USP32: variants seen among roughly 807,000 people sequenced by gnomAD.
USP32 encodes ubiquitin carboxyl-terminal hydrolase 32.
USP32 carries 59 observed loss-of-function variants against 204.8 expected under a neutral mutation model. The ratio of observed to expected loss-of-function variants is 0.29; its 90% CI spans 0.23 to 0.36. The LOEUF (loss-of-function observed/expected upper bound fraction) is 0.36, where lower values mean the gene tolerates loss of function less well. USP32 is among the 10% of genes least tolerant of loss of function. USP32 has a pLI of 1.00. For missense variants in USP32, 1,160 were observed against 1,946.4 expected (o/e 0.60, Z 7.60); for synonymous variants, 517 against 678.4 (o/e 0.76, Z 3.70).
At chr17:60,421,387 C>T in intron 1 of USP32, 1 of 985,570 alleles carries the variant, frequency 1.0e-6, no homozygotes, top group Non-Finnish European at 1.2e-6. Flanking sequence ...AGCCGCTATG[C>T]CCCTCTCCTG....
At chr17:60,308,215 G>C (rs1255892722) in intron 2 of USP32, among the ~76,000 whole-genome samples, 1 of 152,160 alleles carries the variant, frequency 6.6e-6, no homozygotes, top group Non-Finnish European at 1.5e-5. Context: ...AATGCAGAGG[G>C]TCTAATTGAG....
At chr17:60,413,665 A>G (rs1381322988) in intron 1 of USP32, among the ~76,000 whole-genome samples, 3 of 151,832 alleles carry the variant, frequency 2.0e-5, no homozygotes, top group Non-Finnish European at 2.9e-5. Flanking sequence ...GGATATTGAG[A>G]TCATCCTGGC....
chr17:60,415,254 T>C (rs1405614606), intron 1 of USP32, among the ~76,000 whole-genome samples: 3 of 152,178 alleles, frequency 2.0e-5, no homozygotes, highest in Admixed American at 6.5e-5. Flanking sequence ...GACTTCACTG[T>C]ACATGGTCAA....
intron 1 of USP32, among the ~76,000 whole-genome samples, chr17:60,385,850 A>G (rs2089721791): frequency 6.6e-6 from 1 of 151,780 alleles, no homozygotes; most frequent in Admixed American, 6.6e-5. Flanking sequence ...AAAAAAAAAA[A>G]AGAAAAAGAT....
chr17:60,365,003 T>C (rs2089285023), intron 1 of USP32, among the ~76,000 whole-genome samples: 1 of 152,236 alleles, frequency 6.6e-6, no homozygotes, highest in African/African-American at 2.4e-5. Flanking sequence ...ACTAGTACTA[T>C]CTAAACCCAT....
intron 4 of USP32, among the ~76,000 whole-genome samples, chr17:60,291,766 G>A (rs2087283490): frequency 1.3e-5 from 2 of 151,978 alleles, no homozygotes; most frequent in African/African-American, 4.8e-5. Context: ...CCAACTAGAG[G>A]TATCTAATAG....
intron 3 of USP32, 108 bp from the exon 4 acceptor site, chr17:60,294,909 C>T (rs2087388400): frequency 1.6e-6 from 1 of 623,638 alleles, no homozygotes; most frequent in African/African-American, 1.9e-5. Context: ...TTACTAGGGC[C>T]AAGCACCTTA....
intron 1 of USP32, among the ~76,000 whole-genome samples, chr17:60,373,722 T>C (rs1017806672): frequency 1.1e-4 from 16 of 152,020 alleles, no homozygotes; most frequent in African/African-American, 3.4e-4. Context: ...CAGTGTTGGG[T>C]TACAAGCGTG....
chr17:60,348,146 G>A (rs942922105), intron 1 of USP32, among the ~76,000 whole-genome samples: 11 of 151,900 alleles, frequency 7.2e-5, no homozygotes, highest in African/African-American at 2.7e-4. Context: ...AGTAAGTCAG[G>A]AAAAAAGATG....
At chr17:60,183,918 C>T (rs1598026722) in intron 30 of USP32, among the ~76,000 whole-genome samples, 1 of 152,278 alleles carries the variant, frequency 6.6e-6, no homozygotes, top group South Asian at 2.1e-4. Flanking sequence ...ATATACTTGT[C>T]AAAATTCATC....
At position 60,336,112 on chromosome 17, in the gene USP32, T is replaced by C. The variant is rs1416092548; in HGVS notation, c.186+9369A>G. ...TGTTTTTTAGTATGAATTACTTCTT[T>C]AACATCTGGCATACCACTTAGAACA... On this transcript the variant is annotated intron_variant, in intron 2 of 33. Coordinates refer to ENST00000300896, the MANE Select transcript of USP32 (RefSeq NM_032582.4). Among the ~76,000 whole-genome samples the C allele has an allele frequency of 1.4e-5, 2 of 142,984 alleles. 1 individual carries two copies. Among genetic ancestry groups the C allele is most frequent in the African/African-American group, 6.0e-5 (2 of 33,426 alleles). 93.8% of individuals were successfully genotyped at this position (142,984 alleles called of 152,430 possible). A position where few individuals can be genotyped will look rare whatever the true frequency, so the allele number is the denominator to read the frequency against.
chr17:60,271,355 C>T lies in USP32; in HGVS notation c.698G>A (p.Ser233Asn). The change falls in exon 6 of 34, where the codon AGT (serine) becomes AAT (asparagine). Residue 233 changes from serine to asparagine, a missense_variant. Physicochemically the swap from Ser to Asn is conservative, Grantham distance 46. This residue lies in a region of USP32 where 536 missense variants were observed against 680.9 expected (regional missense o/e 0.79). Coordinates refer to ENST00000300896, the MANE Select transcript of USP32 (RefSeq NM_032582.4). Reference protein sequence around the residue: ...LVSPPIRPSLSEGLFNAFDEN... With the variant: ...LVSPPIRPSLNEGLFNAFDEN... ...GAAAATGGAATGATCCCTACCTTCA[C>T]TTAGAGATGGACGAATAGGTGGTGA... 1.2e-6 allele frequency: 2 copies of T among 1,613,984 alleles called. No individual in the cohort carries two copies. Among genetic ancestry groups the T allele is most frequent in the South Asian group, 2.2e-5 (2 of 91,072 alleles).
intron 11 of USP32, among the ~76,000 whole-genome samples, chr17:60,239,124 C>T (rs1392844904): frequency 6.6e-6 from 1 of 151,962 alleles, no homozygotes; most frequent in East Asian, 1.9e-4. Flanking sequence ...ACAGTTTTTC[C>T]CCCACTTTCA....
At chr17:60,245,610 A>T in intron 11 of USP32, 1 of 320,752 alleles carries the variant, frequency 3.1e-6, no homozygotes, top group South Asian at 3.3e-5. Flanking sequence ...TCTCTTTTTG[A>T]TGATCTTGGA....
chr17:60,383,110 G>A (rs2089673334), intron 1 of USP32, among the ~76,000 whole-genome samples: 1 of 151,882 alleles, frequency 6.6e-6, no homozygotes, highest in South Asian at 2.1e-4. Flanking sequence ...GCTGGGCGTG[G>A]TGGCTTGTGC....
At chr17:60,237,399 A>C (rs1478105269) in intron 11 of USP32, among the ~76,000 whole-genome samples, 1 of 151,424 alleles carries the variant, frequency 6.6e-6, no homozygotes, top group Non-Finnish European at 1.5e-5. Context: ...TACAGACATG[A>C]GCCACTGTGC....
intron 1 of USP32, among the ~76,000 whole-genome samples, chr17:60,351,749 T>C (rs2088956335): frequency 6.6e-6 from 1 of 152,202 alleles, no homozygotes; most frequent in Non-Finnish European, 1.5e-5. Context: ...ATTAAATGTC[T>C]ACTTATCTCA....
At chr17:60,181,807 C>A in intron 31 of USP32, 59 bp from the exon 32 acceptor site, 1 of 1,560,480 alleles carries the variant, frequency 6.4e-7, no homozygotes, top group Non-Finnish European at 8.7e-7. Flanking sequence ...TAAGCCAGCC[C>A]CAAATGCTAC....
At chr17:60,327,740 C>T (rs962143013) in intron 2 of USP32, among the ~76,000 whole-genome samples, 4 of 152,220 alleles carry the variant, frequency 2.6e-5, no homozygotes, top group African/African-American at 9.6e-5. Flanking sequence ...GTCCCCCTGC[C>T]CCTGCAGGCT....
Sources: allele counts gnomAD v4.1 joint callset (sites outside exome capture counted in the v4.1 genomes callset), GRCh38; gene constraint gnomAD v4.1.1; regional missense constraint gnomAD v4.1.1; transcripts MANE v1.5; gene names NCBI Gene and HGNC (gene_info 2026-07-23, HGNC 2026-07-21).